The following MLIP variants were observed in gnomAD, a reference collection of about 807,000 sequenced individuals.
MLIP encodes muscular LMNA-interacting protein.
In MLIP, 79 loss-of-function variants were observed where a neutral mutation model predicts 84.8. The observed-to-expected ratio is 0.93, with a 90% CI of 0.78 to 1.12. MLIP has a LOEUF of 1.12. Among genes scored for constraint, MLIP ranks in the 50% most tolerant of loss-of-function variants. The pLI is 0.00. For synonymous variants in MLIP, 504 were observed against 463.0 expected, an observed-to-expected ratio of 1.09 and a Z score of -1.14; for missense variants, 1,257 against 1,160.6, an observed-to-expected ratio of 1.08 and a Z score of -1.21.
chr6:54,032,592 C>T (rs760633412), intron 1 of MLIP, among the ~76,000 whole-genome samples: 12 of 152,230 alleles, frequency 7.9e-5, no homozygotes, highest in African/African-American at 2.4e-4. Context: ...CTTACTCTGT[C>T]GCCCAGGCTG....
chr6:54,035,888 G>T (rs1764408654), intron 1 of MLIP, among the ~76,000 whole-genome samples: 1 of 151,900 alleles, frequency 6.6e-6, no homozygotes, highest in Non-Finnish European at 1.5e-5. Context: ...TTGGATATGT[G>T]GTTCGCAAAT....
At chr6:54,061,234 G>A (rs555813042) in intron 1 of MLIP, among the ~76,000 whole-genome samples, 1 of 152,258 alleles carries the variant, frequency 6.6e-6, no homozygotes, top group East Asian at 1.9e-4. Context: ...CGCTCAGGAA[G>A]GAGATGGAGG....
chr6:54,232,636 A>T (rs1005639501), intron 12 of MLIP, among the ~76,000 whole-genome samples: 1 of 152,228 alleles, frequency 6.6e-6, no homozygotes, highest in Non-Finnish European at 1.5e-5. Flanking sequence ...GTCTATGTTT[A>T]CAAACATTGT....
intron 10 of MLIP, among the ~76,000 whole-genome samples, chr6:54,195,369 G>A (rs983137696): frequency 2.6e-5 from 4 of 151,864 alleles, no homozygotes; most frequent in African/African-American, 9.7e-5. Context: ...CACACCACCC[G>A]AGAGCTTATT....
intron 1 of MLIP, among the ~76,000 whole-genome samples, chr6:54,076,843 G>T (rs1582084807): frequency 6.6e-6 from 1 of 152,158 alleles, no homozygotes; most frequent in East Asian, 1.9e-4. Context: ...AGGGGTGAGG[G>T]TAAGATTTGC....
At chr6:54,138,359 G>A (rs1772007534) in intron 4 of MLIP, 73 bp downstream of exon 4, 4 of 1,443,718 alleles carry the variant, frequency 2.8e-6, no homozygotes, top group Admixed American at 2.6e-5. Flanking sequence ...CCCCAAGGCA[G>A]AAATCAATAA....
At chr6:54,022,203 A>T (rs578250780) in intron 1 of MLIP, among the ~76,000 whole-genome samples, 1 of 152,350 alleles carries the variant, frequency 6.6e-6, no homozygotes, top group South Asian at 2.1e-4. Context: ...ACTGAGCAGG[A>T]AATGCACTAT....
intron 9 of MLIP, among the ~76,000 whole-genome samples, chr6:54,183,972 TACAA>T (rs1352406569): frequency 1.3e-5 from 2 of 152,126 alleles, no homozygotes; most frequent in Non-Finnish European, 2.9e-5. Flanking sequence ...GTGCCTTATG[TACAA>T]ACAATAAGAA....
In MLIP at chr6:54,137,596, TCCTACAAAACAGGCTAGTAGCAG is replaced by T. The variant is rs1294089891; in HGVS notation, c.1531_1553del (p.Thr511CysfsTer47). 2 of 1,536,080 alleles carry T rather than the reference TCCTACAAAACAGGCTAGTAGCAG, an allele frequency of 1.3e-6. No homozygotes were observed. The highest frequency in any genetic ancestry group is 3.9e-5 in the Admixed American group (2 of 50,988). ...CGCTTTCTCAGGCGCCCTCCCTCTC[TCCTACAAAACAGGCTAGTAGCAG>T]CCTTGCTTCCATGAATGTAGAGAGA... On this transcript the variant is annotated frameshift_variant, in exon 4 of 14. Transcript: ENST00000502396. LOFTEE classifies it high-confidence loss of function.
chr6:54,261,762 C>A (rs1783409943), intron 13 of MLIP: 1 of 983,484 alleles, frequency 1.0e-6, no homozygotes, highest in Non-Finnish European at 1.2e-6. Flanking sequence ...CTCTCATTTT[C>A]TGGTTTGATT....
intron 1 of MLIP, among the ~76,000 whole-genome samples, chr6:54,104,516 C>A (rs1159341071): frequency 6.6e-6 from 1 of 152,060 alleles, no homozygotes; most frequent in Non-Finnish European, 1.5e-5. Context: ...AATTCATATT[C>A]CTGTGCCACT....
chr6:54,165,183 A>G (rs1158010028), intron 8 of MLIP, among the ~76,000 whole-genome samples: 1 of 151,780 alleles, frequency 6.6e-6, no homozygotes, highest in East Asian at 1.9e-4. Context: ...ATTCTTTAAG[A>G]GCAGGAGGAG....
chr6:54,194,108 G>A (rs994659033), intron 10 of MLIP, among the ~76,000 whole-genome samples: 2 of 152,186 alleles, frequency 1.3e-5, no homozygotes, highest in Non-Finnish European at 2.9e-5. Context: ...AAAGCAAGAT[G>A]CTATTTACTG....
At chr6:54,254,762 TCCTTCCCTTCCTCCCTC>T in intron 12 of MLIP, among the ~76,000 whole-genome samples, 2 of 143,778 alleles carry the variant, frequency 1.4e-5, no homozygotes, top group Admixed American at 1.4e-4. Flanking sequence ...CTTCCTTCCT[TCCTTCCCTTCCTCCCTC>T]CCTTCCCCCC....
intron 1 of MLIP, among the ~76,000 whole-genome samples, chr6:54,023,587 G>A (rs1763630588): frequency 6.6e-6 from 1 of 151,672 alleles, no homozygotes; most frequent in Non-Finnish European, 1.5e-5. Context: ...TTTATTTTTT[G>A]AGACTGAGTT....
intron 1 of MLIP, chr6:54,019,109 G>A: frequency 2.5e-6 from 4 of 1,611,050 alleles, no homozygotes; most frequent in Non-Finnish European, 3.4e-6. Context: ...ATGAGATTTA[G>A]CACACACAGA....
intron 1 of MLIP, among the ~76,000 whole-genome samples, chr6:54,091,257 T>C (rs1767855968): frequency 6.6e-6 from 1 of 152,212 alleles, no homozygotes; most frequent in African/African-American, 2.4e-5. Context: ...TATAGTGTGT[T>C]GTTATACATT....
chr6:54,114,750 T>C (rs569203204), intron 1 of MLIP, among the ~76,000 whole-genome samples: 1 of 152,340 alleles, frequency 6.6e-6, no homozygotes, highest in Non-Finnish European at 1.5e-5. Context: ...TTCACTGTTA[T>C]GGCACCAACC....
intron 1 of MLIP, among the ~76,000 whole-genome samples, chr6:54,074,007 C>G (rs552157011): frequency 5.5e-4 from 83 of 152,258 alleles, no homozygotes; most frequent in African/African-American, 2.0e-3. Context: ...CTGTGCTAAA[C>G]CAATGTAAGT....
Sources: gnomAD v4.1 joint callset for allele counts (sites outside exome capture counted in the v4.1 genomes callset) on GRCh38, gnomAD v4.1.1 for gene constraint, MANE v1.5 for transcripts, NCBI Gene and HGNC (gene_info 2026-07-23, HGNC 2026-07-21) for gene names.